PPM1H: variants seen among roughly 807,000 people sequenced by gnomAD.
PPM1H encodes the protein protein phosphatase 1H.
A neutral mutation model predicts 54.9 loss-of-function variants in PPM1H; 27 were observed. The ratio of observed to expected loss-of-function variants is 0.49; its 90% CI spans 0.36 to 0.68. The LOEUF (loss-of-function observed/expected upper bound fraction) is 0.68. Ranked by LOEUF, PPM1H falls within the 30% of genes least tolerant of loss-of-function variation. PPM1H has a pLI of 0.00. For synonymous variants in PPM1H, 305 were observed against 270.8 expected (o/e 1.13, Z -1.24); for missense variants, 596 against 667.8 (o/e 0.89, Z 1.19).
intron 6 of PPM1H, among the ~76,000 whole-genome samples, chr12:62,698,706 T>C (rs1260259073): frequency 6.6e-6 from 1 of 152,132 alleles, no homozygotes; most frequent in Non-Finnish European, 1.5e-5. Flanking sequence ...TTCCATTATG[T>C]GTATTTTTTT....
Position 62,934,931 on chromosome 12 carries a change from GGCC to G in PPM1H, c.-198_-196del. 2.8e-6 allele frequency: 1 copy of G among 357,546 alleles called. No individual in the cohort carries two copies. The highest frequency in any genetic ancestry group is 4.6e-6 in the Non-Finnish European group (1 of 217,180). The allele number at this position is 357,546 out of a possible 1,614,324, so 22.1% of individuals were successfully genotyped here. A position where few individuals can be genotyped will look rare whatever the true frequency, so the allele number is the denominator to read the frequency against. On this transcript the variant is annotated 5_prime_UTR_variant, in exon 1 of 10. Coordinates refer to ENST00000228705, the MANE Select transcript of PPM1H (RefSeq NM_020700.2). The surrounding 1 kb of genome is among the most constrained non-coding windows in gnomAD (Gnocchi z 4.2). ...GGCCTCTCGTGCTTAGTGCCGCGGT[GGCC>G]GCCGCCTCCCCCCGCTACACTTCCG...
At chr12:62,702,290 G>A (rs937081904) in intron 6 of PPM1H, among the ~76,000 whole-genome samples, 2 of 152,136 alleles carry the variant, frequency 1.3e-5, no homozygotes, top group African/African-American at 4.8e-5. Flanking sequence ...TACCACGTCA[G>A]AATGGCAGTT....
intron 9 of PPM1H, among the ~76,000 whole-genome samples, chr12:62,657,962 A>G (rs1047300191): frequency 6.6e-6 from 1 of 151,028 alleles, no homozygotes; most frequent in Non-Finnish European, 1.5e-5. Context: ...TTTATGGTAT[A>G]CTGGTTCTTA....
chr12:62,861,153 C>T (rs1246971788), intron 1 of PPM1H, among the ~76,000 whole-genome samples: 2 of 152,110 alleles, frequency 1.3e-5, no homozygotes, highest in Non-Finnish European at 2.9e-5. Flanking sequence ...GGTTAAAATC[C>T]CACTTGCTTC....
intron 4 of PPM1H, among the ~76,000 whole-genome samples, chr12:62,751,028 C>A (rs1238375801): frequency 2.0e-5 from 3 of 152,206 alleles, no homozygotes; most frequent in African/African-American, 7.2e-5. Flanking sequence ...TTTTCTTCCT[C>A]ATGGCAAGTA....
At chr12:62,879,756 T>G (rs1870322495) in intron 1 of PPM1H, among the ~76,000 whole-genome samples, 4 of 151,762 alleles carry the variant, frequency 2.6e-5, no homozygotes, top group Admixed American at 2.6e-4. Context: ...GAACTTAAAG[T>G]ATAATAATAA....
rs893245217 is a variant in PPM1H at position 62,934,178 on chromosome 12, G to GT, written c.245+313dup. The GT allele has an allele frequency of 2.6e-4, 85 of 320,836 alleles. No homozygotes were observed. The highest frequency in any genetic ancestry group is 8.2e-4 in the Middle Eastern group (1 of 1,222). 19.9% of individuals were successfully genotyped at this position (320,836 alleles called of 1,614,324 possible). Reference sequence around the variant, plus strand: ...TTCAAACTTCAGAGCTTTTCTGCCCGTTTTTTTTCCCCAAGTGACAGAGAC... The same window carrying GT: ...TTCAAACTTCAGAGCTTTTCTGCCCGTTTTTTTTTCCCCAAGTGACAGAGAC... On this transcript the variant is annotated intron_variant, in intron 1 of 9. Transcript: ENST00000228705. This position sits in a 1 kb window ranked among gnomAD's most constrained non-coding sequence, Gnocchi z 4.2.
At chr12:62,708,595 A>G (rs1425057458) in intron 6 of PPM1H, among the ~76,000 whole-genome samples, 1 of 152,252 alleles carries the variant, frequency 6.6e-6, no homozygotes, top group Non-Finnish European at 1.5e-5. Context: ...CAGGAGTGGT[A>G]GTGTACCTAC....
intron 4 of PPM1H, among the ~76,000 whole-genome samples, chr12:62,769,727 A>G (rs190817855): frequency 6.6e-6 from 1 of 152,260 alleles, no homozygotes; most frequent in East Asian, 1.9e-4. Flanking sequence ...TTAAAAGTTC[A>G]TTTTGCCAAC....
intron 6 of PPM1H, among the ~76,000 whole-genome samples, chr12:62,697,239 G>A (rs2076119904): frequency 6.6e-6 from 1 of 151,772 alleles, no homozygotes. Context: ...CGATTCTCCT[G>A]CCTTAGCCTC....
intron 5 of PPM1H, among the ~76,000 whole-genome samples, chr12:62,722,445 G>A (rs570010790): frequency 1.3e-5 from 2 of 152,290 alleles, no homozygotes; most frequent in East Asian, 1.9e-4. Flanking sequence ...GAGGTCATTC[G>A]CCCAAGACTG....
In PPM1H at chr12:62,647,491, T is replaced by A. The variant is rs997928744; in HGVS notation, c.*998A>T. The A allele has an allele frequency of 1.3e-5, 2 of 152,122 alleles. No homozygotes were observed. The highest frequency in any genetic ancestry group is 1.3e-4 in the Admixed American group (2 of 15,274). 9.4% of individuals were successfully genotyped at this position (152,122 alleles called of 1,614,324 possible). A position where few individuals can be genotyped will look rare whatever the true frequency, so the allele number is the denominator to read the frequency against. On this transcript the variant is annotated 3_prime_UTR_variant, in exon 10 of 10. Coordinates refer to ENST00000228705, the MANE Select transcript of PPM1H (RefSeq NM_020700.2). ...GGTGAACCAACAGATGCAAGCAACTTCTTAAACTGCTCTATTAAACACTGC... is the reference window on the plus strand; with the variant it reads ...GGTGAACCAACAGATGCAAGCAACTACTTAAACTGCTCTATTAAACACTGC...
chr12:62,774,536 C>T (rs1298440726), intron 4 of PPM1H, among the ~76,000 whole-genome samples: 3 of 152,084 alleles, frequency 2.0e-5, no homozygotes, highest in Non-Finnish European at 4.4e-5. Context: ...GAGATGGGAT[C>T]TCATCATGTT....
intron 4 of PPM1H, among the ~76,000 whole-genome samples, chr12:62,785,322 G>A (rs753524529): frequency 1.3e-5 from 2 of 152,200 alleles, no homozygotes; most frequent in East Asian, 1.9e-4. Context: ...GACTACCGGC[G>A]TGTGCCGCCA....
At chr12:62,711,693 G>C (rs910465424) in intron 6 of PPM1H, among the ~76,000 whole-genome samples, 5 of 152,284 alleles carry the variant, frequency 3.3e-5, no homozygotes, top group African/African-American at 1.2e-4. Flanking sequence ...GGTCTGAGGG[G>C]GGAAGAAAGG....
chr12:62,886,035 T>C (rs771567319), intron 1 of PPM1H, among the ~76,000 whole-genome samples: 6 of 152,232 alleles, frequency 3.9e-5, no homozygotes, highest in Non-Finnish European at 5.9e-5. Context: ...GAATTCAAGA[T>C]AACCCTTACA....
chr12:62,782,569 C>T (rs960557294), intron 4 of PPM1H, among the ~76,000 whole-genome samples: 1 of 152,130 alleles, frequency 6.6e-6, no homozygotes, highest in Non-Finnish European at 1.5e-5. Flanking sequence ...GCTATTCACT[C>T]CGGTCCTAAA....
intron 1 of PPM1H, among the ~76,000 whole-genome samples, chr12:62,905,795 C>T (rs1565825247): frequency 6.6e-6 from 1 of 152,146 alleles, no homozygotes; most frequent in Non-Finnish European, 1.5e-5. Flanking sequence ...CTTCATCCCT[C>T]ATATCCTAGG....
At chr12:62,696,839 C>T (rs930563309) in intron 6 of PPM1H, among the ~76,000 whole-genome samples, 5 of 152,192 alleles carry the variant, frequency 3.3e-5, no homozygotes, top group South Asian at 2.1e-4. Context: ...GCCTTAAAAC[C>T]GGACTTGGAC....
Sources: gnomAD v4.1 joint callset for allele counts (sites outside exome capture counted in the v4.1 genomes callset) on GRCh38, gnomAD v4.1.1 for gene constraint, Gnocchi (gnomAD v3.1) non-coding constraint, MANE v1.5 for transcripts, NCBI Gene and HGNC (gene_info 2026-07-23, HGNC 2026-07-21) for gene names.